OAS1: variants seen among roughly 807,000 people sequenced by gnomAD.
OAS1 encodes 2'-5'-oligoadenylate synthase 1.
Under a neutral mutation model 38.5 loss-of-function variants are expected in OAS1, and 24 were observed. That is an observed-to-expected ratio of 0.62 (90% CI 0.45 to 0.88). The LOEUF is 0.88. Ranked by LOEUF, OAS1 falls within the 40% of genes least tolerant of loss-of-function variation. OAS1 has a pLI of 0.00. For synonymous variants in OAS1, 169 were observed against 193.9 expected (o/e 0.87, Z 1.07); for missense variants, 482 against 493.9 (o/e 0.98, Z 0.23).
In OAS1 at chr12:112,919,392, G is replaced by T. The variant is rs374812528; in HGVS notation, c.1042G>T (p.Glu348Ter). Residue 348 changes from glutamate (E) to a stop codon, truncating the protein, a stop_gained, in exon 6 of 6, where the codon GAA becomes TAA. Transcript: ENST00000202917. LOFTEE classifies it low-confidence loss of function (END_TRUNC). ...ATCATGTGTCTCACCCTTTCAGGCT[G>T]AAAGCAACAGTGCAGACGATGAGAC... ...SPVSSWILLA[E>*]SNSADDETDD... 1.1e-5 allele frequency: 17 copies of T among 1,611,566 alleles called. No homozygotes were observed. Among genetic ancestry groups the T allele is most frequent in the Middle Eastern group, 1.6e-4 (1 of 6,070 alleles).
chr12:112,930,077 T>C (rs1007579407), intron 6 of OAS1, among the ~76,000 whole-genome samples: 5 of 152,150 alleles, frequency 3.3e-5, no homozygotes, highest in African/African-American at 9.7e-5. Context: ...GCTATCCTTA[T>C]GATAGTGAGT....
intron 6 of OAS1, among the ~76,000 whole-genome samples, chr12:112,931,112 A>G (rs1008774354): frequency 3.3e-5 from 5 of 152,182 alleles, no homozygotes; most frequent in African/African-American, 1.2e-4. Flanking sequence ...CTGTTCATGC[A>G]GTCTGGAATT....
chr12:112,926,517 C>A (rs918616266), intron 6 of OAS1, among the ~76,000 whole-genome samples: 3 of 150,996 alleles, frequency 2.0e-5, no homozygotes, highest in Non-Finnish European at 4.4e-5. Context: ...TCTGTGGTGC[C>A]CCCTGAGCCA....
rs931929023 is a variant in OAS1 at position 112,919,802 on chromosome 12, A to G, written c.*249A>G. 209 of 1,387,300 alleles carry G rather than the reference A, an allele frequency of 1.5e-4. No homozygotes were observed. The highest frequency in any genetic ancestry group is 1.6e-4 in the Non-Finnish European group (164 of 1,048,842). The allele number at this position is 1,387,300 out of a possible 1,614,324, so 85.9% of individuals were successfully genotyped here. ...TCCCTGAGAGAGAACAGAGAGATTT[A>G]GATAAGAGAATGAAATTCCAGCCTT... On this transcript the variant is annotated 3_prime_UTR_variant, in exon 6 of 6. Coordinates refer to ENST00000202917, the MANE Select transcript of OAS1 (RefSeq NM_016816.4).
chr12:112,907,485 T>C, intron 1 of OAS1: 1 of 389,566 alleles, frequency 2.6e-6, no homozygotes, highest in Non-Finnish European at 4.7e-6. Flanking sequence ...ACCACTGTCC[T>C]GGGCGATGCC....
intron 3 of OAS1, among the ~76,000 whole-genome samples, chr12:112,914,267 G>T (rs2043424506): frequency 6.6e-6 from 1 of 152,058 alleles, no homozygotes; most frequent in Non-Finnish European, 1.5e-5. Flanking sequence ...CCATTATTTT[G>T]TTCCTTTTTA....
downstream of OAS1, among the ~76,000 whole-genome samples, chr12:112,921,922 G>A (rs184281313): frequency 6.6e-6 from 1 of 152,252 alleles, no homozygotes; most frequent in East Asian, 1.9e-4. Context: ...TACCAAGCAT[G>A]TCCTTTTTGA....
At position 112,918,113 on chromosome 12, in the gene OAS1, G is replaced by A. The variant is rs962355885; in HGVS notation, c.1038+413G>A. The A allele has an allele frequency of 1.0e-5, 3 of 287,366 alleles. No individual in the cohort carries two copies. The South Asian group carries it at 1.3e-4, about 13-fold the overall frequency. 17.8% of individuals were successfully genotyped at this position (287,366 alleles called of 1,614,324 possible). A position where few individuals can be genotyped will look rare whatever the true frequency, so the allele number is the denominator to read the frequency against. ...TGTTACACAGCTATATTGTGTAATG[G>A]TGGGGTTTGGGCCTCTATTGATCCT... On this transcript the variant is annotated intron_variant, in intron 5 of 5. Coordinates refer to ENST00000202917, the MANE Select transcript of OAS1 (RefSeq NM_016816.4).
At chr12:112,929,761 A>T (rs1482352658) in intron 6 of OAS1, among the ~76,000 whole-genome samples, 1 of 152,128 alleles carries the variant, frequency 6.6e-6, no homozygotes, top group East Asian at 1.9e-4. Context: ...TTTTTATGAT[A>T]ATAAGGTGGA....
At position 112,916,952 on chromosome 12, in the gene OAS1, A is replaced by T. The variant is rs1050265625; in HGVS notation, c.884+214A>T. ...CACTATGCCAATTATTTTACAGGTG[A>T]GTAAACTGAGGTTCTGAGAGGTAAG... On this transcript the variant is annotated intron_variant, in intron 4 of 5. Transcript: ENST00000202917. The T allele has an allele frequency of 9.2e-6, 5 of 543,826 alleles. No homozygotes were observed. The African/African-American group carries it at 9.5e-5, about 10-fold the overall frequency. The allele number at this position is 543,826 out of a possible 1,614,324, so 33.7% of individuals were successfully genotyped here. A position where few individuals can be genotyped will look rare whatever the true frequency, so the allele number is the denominator to read the frequency against.
In OAS1 at chr12:112,908,628, G is replaced by T. The variant is rs2043330849; in HGVS notation, c.273G>T (p.Gln91His). The change falls in exon 2 of 6, where the codon CAG becomes CAT. Residue 91 changes from glutamine (Q) to histidine (H), a missense_variant. Transcript: ENST00000202917. ...GTCCTCTCACCACTTTTCAGGATCAGTTAAATCGCCGGGGAGAGTTCATCC... is the reference window on the plus strand; with the variant it reads ...GTCCTCTCACCACTTTTCAGGATCATTTAAATCGCCGGGGAGAGTTCATCC... ...FLSPLTTFQDQLNRRGEFIQE... is the reference protein window; with the variant it reads ...FLSPLTTFQDHLNRRGEFIQE... The T allele has an allele frequency of 1.9e-6, 3 of 1,614,220 alleles. No individual in the cohort carries two copies. The highest frequency in any genetic ancestry group is 2.5e-6 in the Non-Finnish European group (3 of 1,180,038).
At chr12:112,909,189 G>A (rs191870881) in intron 2 of OAS1, among the ~76,000 whole-genome samples, 14 of 152,312 alleles carry the variant, frequency 9.2e-5, no homozygotes, top group Non-Finnish European at 1.2e-4. Flanking sequence ...TATGCAGCAC[G>A]TTGGGAGATA....
chr12:112,917,976 TTCTGTCCTAAGC>T, intron 5 of OAS1: 1 of 1,356,464 alleles, frequency 7.4e-7, no homozygotes, highest in Non-Finnish European at 9.6e-7. Flanking sequence ...CGGGCTCAGG[TTCTGTCCTAAGC>T]CCTTTAATAT....
downstream of OAS1, among the ~76,000 whole-genome samples, chr12:112,923,075 C>T (rs1565966931): frequency 6.6e-6 from 1 of 152,184 alleles, no homozygotes; most frequent in Non-Finnish European, 1.5e-5. Flanking sequence ...TAAATGTGTG[C>T]ACTGTATACA....
At chr12:112,925,166 G>A (rs1945978842) in intron 6 of OAS1, among the ~76,000 whole-genome samples, 1 of 152,192 alleles carries the variant, frequency 6.6e-6, no homozygotes, top group African/African-American at 2.4e-5. Context: ...TGTCAAGTTT[G>A]AGATCCAGGG....
intron 3 of OAS1, among the ~76,000 whole-genome samples, chr12:112,911,575 G>A (rs2043384615): frequency 6.6e-6 from 1 of 152,112 alleles, no homozygotes; most frequent in South Asian, 2.1e-4. Context: ...CACACACAGA[G>A]AGAGAGTCAA....
intron 3 of OAS1, among the ~76,000 whole-genome samples, chr12:112,915,779 T>A (rs1195361854): frequency 6.6e-6 from 1 of 152,222 alleles, no homozygotes; most frequent in Non-Finnish European, 1.5e-5. Context: ...TTTGTTTGTG[T>A]CATCTATGAT....
In OAS1 at chr12:112,930,148, C is replaced by T. The variant is rs891005708; in HGVS notation, c.1168-1730C>T. ...GGCACCTCCTCCCCACTTTCTCTCA[C>T]TCCTGCTTTCGCCACATGATATGCC... On this transcript the variant is annotated intron_variant, in intron 6 of 6. Coordinates refer to the OAS1 transcript ENST00000540589. 2.6e-5 allele frequency among the ~76,000 whole-genome samples: 4 copies of T among 152,266 alleles called. No individual in the cohort carries two copies. The South Asian group carries it at 8.3e-4, about 32-fold the overall frequency.
intron 3 of OAS1, among the ~76,000 whole-genome samples, chr12:112,915,597 T>C (rs1001454049): frequency 2.0e-5 from 3 of 152,230 alleles, no homozygotes; most frequent in African/African-American, 7.2e-5. Flanking sequence ...GCTTTGGCTA[T>C]GTGAGCTCTT....
Sources: gnomAD v4.1 joint callset for allele counts (sites outside exome capture counted in the v4.1 genomes callset) on GRCh38, gnomAD v4.1.1 for gene constraint, MANE v1.5 for transcripts, NCBI Gene and HGNC (gene_info 2026-07-23, HGNC 2026-07-21) for gene names.